The following CCDC7 variants were observed in gnomAD, a reference collection of about 807,000 sequenced individuals.
CCDC7 encodes coiled-coil domain-containing protein 7.
In CCDC7, 183 loss-of-function variants were observed where a neutral mutation model predicts 196.9. The ratio of observed to expected loss-of-function variants is 0.93; its 90% CI spans 0.82 to 1.05. CCDC7 has a LOEUF of 1.05. Ranked by LOEUF, CCDC7 falls within the 50% of genes least tolerant of loss-of-function variation. The probability of loss-of-function intolerance (pLI) is 0.00; values close to 1 mark genes in which losing one functional copy is unlikely to be tolerated. For synonymous variants in CCDC7, 525 were observed against 484.6 expected (o/e 1.08, Z -1.10); for missense variants, 1,540 against 1,482.2 (o/e 1.04, Z -0.64).
intron 15 of CCDC7, among the ~76,000 whole-genome samples, chr10:32,568,569 C>T (rs542288908): frequency 7.2e-5 from 11 of 152,090 alleles, no homozygotes; most frequent in Middle Eastern, 6.8e-3. Flanking sequence ...TGTATATAAA[C>T]GAAGTAAGGT....
At chr10:32,868,833 C>T (rs995247898) in intron 41 of CCDC7, among the ~76,000 whole-genome samples, 16 of 150,602 alleles carry the variant, frequency 1.1e-4, no homozygotes, top group Non-Finnish European at 2.4e-4. Context: ...GTTTTTTGTC[C>T]TTCCGATACT....
intron 13 of CCDC7, among the ~76,000 whole-genome samples, chr10:32,564,690 T>G (rs2056461310): frequency 1.3e-5 from 2 of 151,982 alleles, no homozygotes; most frequent in Non-Finnish European, 2.9e-5. Flanking sequence ...TTAGGAGATA[T>G]ACCTAATGCT....
intron 13 of CCDC7, among the ~76,000 whole-genome samples, chr10:32,548,323 C>T (rs886083331): frequency 6.6e-6 from 1 of 152,036 alleles, no homozygotes; most frequent in South Asian, 2.1e-4. Context: ...AGTAGTTTGG[C>T]AGGAAGGGCA....
intron 15 of CCDC7, among the ~76,000 whole-genome samples, chr10:32,569,387 T>G (rs1428905274): frequency 6.6e-6 from 1 of 152,196 alleles, no homozygotes; most frequent in East Asian, 1.9e-4. Flanking sequence ...GCAAATCTAT[T>G]TGATGCTATT....
At chr10:32,513,645 A>T (rs972909067) in intron 9 of CCDC7, 1 of 152,214 alleles carries the variant, frequency 6.6e-6, no homozygotes, top group African/African-American at 2.4e-5. Context: ...AAAAAAGATT[A>T]TCTATGATGA....
chr10:32,674,843 G>A (rs1197972919), intron 21 of CCDC7, among the ~76,000 whole-genome samples: 1 of 151,826 alleles, frequency 6.6e-6, no homozygotes, highest in Non-Finnish European at 1.5e-5. Context: ...TTATTTTTGT[G>A]TGGTGACCTT....
chr10:32,878,556 AG>A (rs1408092093), downstream of CCDC7, among the ~76,000 whole-genome samples: 1 of 152,110 alleles, frequency 6.6e-6, no homozygotes, highest in African/African-American at 2.4e-5. Flanking sequence ...AGCTCAAATT[AG>A]GCCAGAATCA....
At chr10:32,614,419 C>T (rs2062550370) in intron 18 of CCDC7, among the ~76,000 whole-genome samples, 1 of 152,018 alleles carries the variant, frequency 6.6e-6, no homozygotes, top group Non-Finnish European at 1.5e-5. Flanking sequence ...TGTGTCTTTT[C>T]ATTGGGGCAT....
chr10:32,674,030 C>T (rs1018414307), intron 21 of CCDC7, among the ~76,000 whole-genome samples: 1 of 151,550 alleles, frequency 6.6e-6, no homozygotes, highest in African/African-American at 2.4e-5. Context: ...AATAGTGTGT[C>T]AATTTTCTTT....
intron 32 of CCDC7, among the ~76,000 whole-genome samples, chr10:32,834,313 C>T (rs2092435876): frequency 6.6e-6 from 1 of 152,032 alleles, no homozygotes; most frequent in African/African-American, 2.4e-5. Flanking sequence ...TGATGGTTAA[C>T]TTTCTGTGAC....
downstream of CCDC7, chr10:32,876,511 T>C (rs1485082073): frequency 3.1e-6 from 3 of 970,524 alleles, no homozygotes; most frequent in African/African-American, 5.0e-5. Context: ...TGGTGCTTAT[T>C]GAAAAACAGC....
rs114818618 is a variant in CCDC7, at chr10:32,471,786, G to T, written c.677+556G>T. 8.6e-3 allele frequency among the ~76,000 whole-genome samples: 1,309 copies of T among 152,250 alleles called. 28 individuals are homozygous for T. The highest frequency in any genetic ancestry group is 0.029 in the African/African-American group (1,208 of 41,554). On this transcript the variant is annotated intron_variant, in intron 6 of 41. Transcript: ENST00000639629. ...ATAGTTGGGAGGGGCCACTAGTTATGCAGTTACTTTAGTGATATCTCTGTC... is the reference window on the plus strand; with the variant it reads ...ATAGTTGGGAGGGGCCACTAGTTATTCAGTTACTTTAGTGATATCTCTGTC...
At chr10:32,482,445 AT>A (rs2040151820) in intron 8 of CCDC7, among the ~76,000 whole-genome samples, 2 of 151,682 alleles carry the variant, frequency 1.3e-5, no homozygotes, top group East Asian at 3.9e-4. Context: ...CAGTGGACAT[AT>A]TTTTTACTTA....
At chr10:32,721,061 C>G (rs569408932) in intron 25 of CCDC7, among the ~76,000 whole-genome samples, 1 of 152,022 alleles carries the variant, frequency 6.6e-6, no homozygotes, top group Admixed American at 6.6e-5. Flanking sequence ...CAACTGTGCT[C>G]CATTCTGGGG....
rs188373755 is a variant in CCDC7 at position 32,703,082 on chromosome 10, G to A, written c.2458+8090G>A. Among the ~76,000 whole-genome samples the A allele has an allele frequency of 6.6e-4, 101 of 152,260 alleles. 1 individual carries two copies. Among genetic ancestry groups the A allele is most frequent in the Non-Finnish European group, 1.2e-3 (80 of 68,028 alleles). ...TATGATGTTAGCTGGTTATTTGCTC[G>A]TTAGTTGATGCAGTTTCTTCCTAGC... is the stretch of plus-strand genomic sequence containing the variant. On this transcript the variant is annotated intron_variant, in intron 24 of 41. Coordinates refer to ENST00000639629, the Ensembl canonical transcript of CCDC7.
intron 20 of CCDC7, among the ~76,000 whole-genome samples, chr10:32,653,567 A>T (rs892706299): frequency 4.6e-5 from 7 of 152,162 alleles, no homozygotes; most frequent in Admixed American, 4.6e-4. Flanking sequence ...TTGCATGGAT[A>T]GTCATTCAAT....
intron 41 of CCDC7, among the ~76,000 whole-genome samples, chr10:32,864,405 G>A (rs1445955683): frequency 6.6e-6 from 1 of 151,388 alleles, no homozygotes; most frequent in African/African-American, 2.4e-5. Flanking sequence ...ATAATTGTCG[G>A]CTACTTATAA....
intron 20 of CCDC7, among the ~76,000 whole-genome samples, chr10:32,645,503 C>CTTTTTTTTT (rs35170235): frequency 3.1e-5 from 2 of 65,142 alleles, no homozygotes; most frequent in Non-Finnish European, 3.1e-5. Flanking sequence ...GAGTCCATGT[C>CTTTTTTTTT]TTTTTTTTTT....
At chr10:32,558,003 C>A (rs577302278) in intron 13 of CCDC7, among the ~76,000 whole-genome samples, 8 of 152,130 alleles carry the variant, frequency 5.3e-5, no homozygotes, top group Non-Finnish European at 1.0e-4. Flanking sequence ...GCTTATATTT[C>A]TCTGCTAAGA....
Sources: gnomAD v4.1 joint callset for allele counts (sites outside exome capture counted in the v4.1 genomes callset) on GRCh38, gnomAD v4.1.1 for gene constraint, MANE v1.5 for transcripts, NCBI Gene and HGNC (gene_info 2026-07-23, HGNC 2026-07-21) for gene names.